The following SIL1 variants were observed in gnomAD, a reference collection of about 807,000 sequenced individuals.
SIL1 encodes nucleotide exchange factor SIL1.
SIL1 carries 40 observed loss-of-function variants against 49.1 expected under a neutral mutation model. That is an observed-to-expected ratio of 0.81 (90% CI 0.63 to 1.06). The LOEUF is 1.06. Among genes scored for constraint, SIL1 ranks in the 50% least tolerant of loss-of-function variants. The pLI is 0.00. For synonymous variants in SIL1, 253 were observed against 250.8 expected (o/e 1.01, Z -0.08); for missense variants, 500 against 572.6 (o/e 0.87, Z 1.29).
chr5:138,947,933 G>A lies in SIL1; in HGVS notation c.1030-460C>T, dbSNP rs1386115125. 1.3e-5 allele frequency among the ~76,000 whole-genome samples: 2 copies of A among 152,298 alleles called. No homozygotes were observed. The highest frequency in any genetic ancestry group is 1.5e-5 in the Non-Finnish European group (1 of 68,030). ...CTCAGCCTGTCTGTAAAGCGCAGAA[G>A]CCCAGCTCTATCAGCAGAACATGGT... On this transcript the variant is annotated intron_variant, in intron 9 of 9. Coordinates refer to ENST00000394817, the MANE Select transcript of SIL1 (RefSeq NM_022464.5). This position sits in a 1 kb window ranked among gnomAD's most constrained non-coding sequence, Gnocchi z 4.1.
At chr5:139,064,327 G>A (rs1769654980) in intron 3 of SIL1, among the ~76,000 whole-genome samples, 1 of 152,172 alleles carries the variant, frequency 6.6e-6, no homozygotes, top group South Asian at 2.1e-4. Flanking sequence ...CTAAAGGATG[G>A]GACTCCACAT....
chr5:139,128,210 G>C (rs1750793073), intron 1 of SIL1, among the ~76,000 whole-genome samples: 1 of 152,054 alleles, frequency 6.6e-6, no homozygotes, highest in Non-Finnish European at 1.5e-5. Flanking sequence ...GAACAAACAT[G>C]GGCACAAATC....
chr5:138,981,011 C>G (rs1210537265), intron 7 of SIL1, among the ~76,000 whole-genome samples: 1 of 152,022 alleles, frequency 6.6e-6, no homozygotes, highest in East Asian at 1.9e-4. Flanking sequence ...TTGAGACTAG[C>G]CTGGCCAACA....
At chr5:139,177,236 T>TTTTATTTA (rs536551541) in intron 1 of SIL1, among the ~76,000 whole-genome samples, 6 of 142,204 alleles carry the variant, frequency 4.2e-5, no homozygotes, top group Admixed American at 1.4e-4. Context: ...CTGGCCTTTA[T>TTTTATTTA]TTTATTTATT....
intron 7 of SIL1, among the ~76,000 whole-genome samples, chr5:138,983,077 A>T (rs1767562718): frequency 6.6e-6 from 1 of 151,918 alleles, no homozygotes; most frequent in Admixed American, 6.6e-5. Flanking sequence ...TGCACCTATT[A>T]GTCCCAGCAA....
intron 3 of SIL1, among the ~76,000 whole-genome samples, chr5:139,055,806 G>T (rs1271913268): frequency 2.0e-5 from 1 of 49,858 alleles, no homozygotes; most frequent in Admixed American, 1.6e-4. Context: ...GAGTGCCTGC[G>T]ATTGCAGGCA....
intron 3 of SIL1, among the ~76,000 whole-genome samples, chr5:139,056,163 G>A (rs1480382821): frequency 1.3e-5 from 2 of 148,768 alleles, no homozygotes; most frequent in African/African-American, 2.5e-5. Flanking sequence ...CCCTCTGCCT[G>A]GCTGCCCAGT....
chr5:139,076,517 G>A (rs186627595), intron 3 of SIL1, among the ~76,000 whole-genome samples: 1 of 152,300 alleles, frequency 6.6e-6, no homozygotes, highest in Admixed American at 6.5e-5. Flanking sequence ...CTTGGGAATA[G>A]CAAAGCTGAT....
chr5:139,196,757 TA>T (rs1462821012), intron 1 of SIL1, among the ~76,000 whole-genome samples: 9 of 152,168 alleles, frequency 5.9e-5, no homozygotes, highest in African/African-American at 2.2e-4. Flanking sequence ...AACACCATCT[TA>T]AAAACCCGAG....
chr5:139,151,197 T>C (rs1004187387), intron 1 of SIL1, among the ~76,000 whole-genome samples: 2 of 151,860 alleles, frequency 1.3e-5, no homozygotes, highest in Non-Finnish European at 2.9e-5. Flanking sequence ...AAAGAAAAAA[T>C]ATATGTTGAA....
intron 7 of SIL1, among the ~76,000 whole-genome samples, chr5:138,997,921 G>A (rs1344388906): frequency 6.6e-6 from 1 of 152,164 alleles, no homozygotes; most frequent in Non-Finnish European, 1.5e-5. Flanking sequence ...TTTCTGCTGA[G>A]GATTGCTTTG....
chr5:139,072,003 G>A (rs1394719989), intron 3 of SIL1, among the ~76,000 whole-genome samples: 1 of 151,996 alleles, frequency 6.6e-6, no homozygotes, highest in Non-Finnish European at 1.5e-5. Context: ...GGGATTACAA[G>A]TTGCTAAAAA....
chr5:139,022,103 A>T (rs1714700098), intron 6 of SIL1: 1 of 152,294 alleles, frequency 6.6e-6, no homozygotes, highest in African/African-American at 2.4e-5. Context: ...TTTCCTCAGA[A>T]AGGTCACTGG....
intron 1 of SIL1, among the ~76,000 whole-genome samples, chr5:139,128,539 T>C (rs142743744): frequency 6.6e-5 from 10 of 151,484 alleles, no homozygotes; most frequent in South Asian, 2.1e-4. Flanking sequence ...GTCCCAACTA[T>C]GTGGAAGGCT....
At chr5:139,053,988 A>T (rs1769349025) in intron 3 of SIL1, among the ~76,000 whole-genome samples, 1 of 152,192 alleles carries the variant, frequency 6.6e-6, no homozygotes. Context: ...AACTCTCAAT[A>T]ATTATTTGTT....
At chr5:138,975,778 A>C (rs2150395632) in intron 7 of SIL1, among the ~76,000 whole-genome samples, 1 of 152,376 alleles carries the variant, frequency 6.6e-6, no homozygotes, top group Non-Finnish European at 1.5e-5. Context: ...AAACTCACAG[A>C]GAGAGAAACC....
chr5:138,949,274 T>C (rs1766708566), intron 9 of SIL1, among the ~76,000 whole-genome samples: 1 of 152,098 alleles, frequency 6.6e-6, no homozygotes, highest in Admixed American at 6.5e-5. Context: ...CAGGGCATGG[T>C]CTCTCAGTAG....
chr5:139,109,745 TAGAC>T, intron 3 of SIL1, among the ~76,000 whole-genome samples: 1 of 148,586 alleles, frequency 6.7e-6, no homozygotes, highest in African/African-American at 2.5e-5. Context: ...ATCCAACTGC[TAGAC>T]TGGAATTCCT....
intron 7 of SIL1, among the ~76,000 whole-genome samples, chr5:138,991,886 A>T (rs1159450586): frequency 6.6e-6 from 1 of 152,206 alleles, no homozygotes; most frequent in Non-Finnish European, 1.5e-5. Flanking sequence ...CAAAAAATGG[A>T]CCATAGCAGC....
Sources: allele counts gnomAD v4.1 joint callset (sites outside exome capture counted in the v4.1 genomes callset), GRCh38; gene constraint gnomAD v4.1.1; non-coding constraint Gnocchi (gnomAD v3.1); transcripts MANE v1.5; gene names NCBI Gene and HGNC (gene_info 2026-07-23, HGNC 2026-07-21).